Variants in TMC1 observed in about 807,000 individuals in gnomAD.
TMC1 encodes the protein transmembrane channel like 1.
Under a neutral mutation model 105.8 loss-of-function variants are expected in TMC1, and 84 were observed. The observed-to-expected ratio is 0.79, with a 90% CI of 0.67 to 0.95. TMC1 has a LOEUF of 0.95. TMC1 is among the 40% of genes least tolerant of loss of function. The pLI is 0.00. For synonymous variants in TMC1, 315 were observed against 311.5 expected (o/e 1.01, Z -0.12); for missense variants, 817 against 914.1 (o/e 0.89, Z 1.37).
intron 1 of TMC1, among the ~76,000 whole-genome samples, chr9:72,551,541 C>A (rs894826346): frequency 6.6e-6 from 1 of 152,150 alleles, no homozygotes; most frequent in South Asian, 2.1e-4. Context: ...CAGGCTCCTC[C>A]ACTGCTTTTC....
chr9:72,733,639 T>G (rs187200543), intron 8 of TMC1, among the ~76,000 whole-genome samples: 1 of 152,172 alleles, frequency 6.6e-6, no homozygotes, highest in African/African-American at 2.4e-5. Flanking sequence ...TGAACCTGAT[T>G]GCTGTCAATC....
intron 5 of TMC1, among the ~76,000 whole-genome samples, chr9:72,684,807 A>G (rs1413889346): frequency 6.6e-6 from 1 of 152,168 alleles, no homozygotes; most frequent in Non-Finnish European, 1.5e-5. Context: ...CAGGTGCTCA[A>G]GCAAAGAACC....
In TMC1 at chr9:72,805,787, A is replaced by G. The variant is rs1828565147; in HGVS notation, c.1695+277A>G. ...CCTTCAAGCATCTGTTTAACAAAGC[A>G]CATCTTGCACCACCCTTAATCCATT... On this transcript the variant is annotated intron_variant, in intron 18 of 23. Coordinates refer to ENST00000297784, the MANE Select transcript of TMC1 (RefSeq NM_138691.3). Among the ~76,000 whole-genome samples the G allele has an allele frequency of 2.6e-5, 4 of 152,070 alleles. No homozygotes were observed. The East Asian group carries it at 5.8e-4, about 22-fold the overall frequency.
At chr9:72,592,485 G>A (rs544954313) in intron 2 of TMC1, among the ~76,000 whole-genome samples, 2 of 152,290 alleles carry the variant, frequency 1.3e-5, no homozygotes, top group East Asian at 3.9e-4. Context: ...TCAGCACCTT[G>A]CTGTGAGCTC....
chr9:72,678,559 C>G (rs903465347), intron 5 of TMC1, among the ~76,000 whole-genome samples: 1 of 151,860 alleles, frequency 6.6e-6, no homozygotes, highest in Non-Finnish European at 1.5e-5. Flanking sequence ...TATATTATTA[C>G]AAGCATAAAA....
intron 3 of TMC1, among the ~76,000 whole-genome samples, chr9:72,625,702 GAAAAA>G (rs1160091167): frequency 7.5e-6 from 1 of 133,990 alleles, no homozygotes; most frequent in Non-Finnish European, 1.6e-5. Context: ...AAAAAAAAAA[GAAAAA>G]AAAAAAGGAA....
chr9:72,732,518 T>C (rs1827228713), intron 8 of TMC1, among the ~76,000 whole-genome samples: 1 of 151,230 alleles, frequency 6.6e-6, no homozygotes, highest in East Asian at 1.9e-4. Context: ...TGAGCCAAGA[T>C]TGCACCACTG....
In TMC1 at chr9:72,694,485, TTGGTAG is replaced by T; in HGVS notation, c.65-54_65-49del. 3 of 1,496,546 alleles carry T rather than the reference TTGGTAG, an allele frequency of 2.0e-6. No individual in the cohort carries two copies. The Admixed American group carries it at 5.1e-5, about 26-fold the overall frequency. 92.7% of individuals were successfully genotyped at this position (1,496,546 alleles called of 1,614,324 possible). A position where few individuals can be genotyped will look rare whatever the true frequency, so the allele number is the denominator to read the frequency against. ...TAGTTATTAAAAACTAAGAATAAGC[TTGGTAG>T]TGGGAGGAAGCACTTTCTGACATTA... On this transcript the variant is annotated intron_variant, in intron 6 of 23. Transcript: ENST00000297784.
intron 5 of TMC1, among the ~76,000 whole-genome samples, chr9:72,675,607 AT>A (rs1826190667): frequency 6.6e-6 from 1 of 152,126 alleles, no homozygotes; most frequent in Non-Finnish European, 1.5e-5. Context: ...GCATGATGTA[AT>A]AGTTACAATT....
At chr9:72,742,317 G>C in intron 9 of TMC1, 127 bp from the exon 10 acceptor site, 1 of 763,428 alleles carries the variant, frequency 1.3e-6, no homozygotes, top group Non-Finnish European at 2.3e-6. Flanking sequence ...CCTTTGACTA[G>C]AAAGTAGTAT....
chr9:72,653,613 T>G (rs938508611), intron 5 of TMC1, among the ~76,000 whole-genome samples: 3 of 152,208 alleles, frequency 2.0e-5, no homozygotes, highest in African/African-American at 7.2e-5. Flanking sequence ...AAAATCAGCC[T>G]TAGTATACTT....
intron 13 of TMC1, among the ~76,000 whole-genome samples, chr9:72,782,231 C>T (rs867211058): frequency 5.9e-5 from 9 of 152,022 alleles, no homozygotes; most frequent in East Asian, 1.9e-4. Context: ...TCTCAATAGA[C>T]GCAGAAAAGG....
intron 1 of TMC1, among the ~76,000 whole-genome samples, chr9:72,529,005 G>A (rs1044855591): frequency 4.6e-5 from 7 of 151,436 alleles, no homozygotes; most frequent in Non-Finnish European, 8.8e-5. Flanking sequence ...ACTACTTACA[G>A]AGCATTCATA....
intron 1 of TMC1, among the ~76,000 whole-genome samples, chr9:72,555,882 A>G (rs1285897542): frequency 6.8e-6 from 1 of 147,248 alleles, no homozygotes; most frequent in Non-Finnish European, 1.5e-5. Flanking sequence ...TGACCACCCA[A>G]AGTGCTGGGA....
At chr9:72,767,086 G>C (rs920023253) in intron 12 of TMC1, among the ~76,000 whole-genome samples, 9 of 152,180 alleles carry the variant, frequency 5.9e-5, no homozygotes, top group Non-Finnish European at 1.3e-4. Context: ...GCCAGTCCTT[G>C]TCTTTCATCC....
chr9:72,665,312 A>G (rs1290867838), intron 5 of TMC1, among the ~76,000 whole-genome samples: 1 of 152,184 alleles, frequency 6.6e-6, no homozygotes, highest in Non-Finnish European at 1.5e-5. Context: ...GGTGGGTATA[A>G]GAAGAGATAT....
intron 1 of TMC1, among the ~76,000 whole-genome samples, chr9:72,539,815 C>T (rs551897841): frequency 1.3e-5 from 2 of 152,266 alleles, no homozygotes; most frequent in African/African-American, 2.4e-5. Flanking sequence ...GTCCATTTTG[C>T]ATTGCTTTAA....
intron 5 of TMC1, among the ~76,000 whole-genome samples, chr9:72,672,213 A>G (rs1277077795): frequency 6.6e-6 from 1 of 152,174 alleles, no homozygotes; most frequent in African/African-American, 2.4e-5. Flanking sequence ...ATCAGTTATG[A>G]TGAGCCACTG....
rs79543727 is a variant in TMC1 at position 72,585,579 on chromosome 9, G to T, written c.-306+7556G>T. On this transcript the variant is annotated intron_variant, in intron 2 of 23. Coordinates refer to ENST00000297784, the MANE Select transcript of TMC1 (RefSeq NM_138691.3). The stretch of plus-strand genomic sequence containing the variant: ...TAACTGGATTTTCCCACAAAGAGAG[G>T]TCATGAGGATCAAGAGCATACAGAA... Among the ~76,000 whole-genome samples, 970 of 152,328 alleles carry T rather than the reference G, an allele frequency of 6.4e-3. 6 individuals carry two copies. Among genetic ancestry groups the T allele is most frequent in the Admixed American group, 0.015 (235 of 15,300 alleles).
Sources: allele counts gnomAD v4.1 joint callset (sites outside exome capture counted in the v4.1 genomes callset), GRCh38; gene constraint gnomAD v4.1.1; transcripts MANE v1.5; gene names NCBI Gene and HGNC (gene_info 2026-07-23, HGNC 2026-07-21).